The following PDE3A variants were observed in gnomAD, a reference collection of about 807,000 sequenced individuals.
The protein encoded by PDE3A is phosphodiesterase 3A, also known as cGMP-inhibited 3',5'-cyclic phosphodiesterase 3A.
A neutral mutation model predicts 98.3 loss-of-function variants in PDE3A; 43 were observed. The observed-to-expected ratio is 0.44, with a 90% CI of 0.34 to 0.56. PDE3A has a LOEUF of 0.56. Among genes scored for constraint, PDE3A ranks in the 20% least tolerant of loss-of-function variants. The probability of loss-of-function intolerance (pLI) is 0.01; values close to 1 mark genes in which losing one functional copy is unlikely to be tolerated. For synonymous variants in PDE3A, 663 were observed against 567.9 expected, an observed-to-expected ratio of 1.17 and a Z score of -2.38; for missense variants, 1,427 against 1,440.7, an observed-to-expected ratio of 0.99 and a Z score of 0.15.
intron 2 of PDE3A, among the ~76,000 whole-genome samples, chr12:20,584,713 C>T (rs760304663): frequency 2.0e-5 from 3 of 152,138 alleles, no homozygotes; most frequent in Non-Finnish European, 4.4e-5. Context: ...CAAGCTCAGA[C>T]TTGTTCTTAG....
chr12:20,636,717 G>A (rs185200292), intron 8 of PDE3A, among the ~76,000 whole-genome samples: 45 of 152,250 alleles, frequency 3.0e-4, no homozygotes, highest in Admixed American at 2.8e-3. Flanking sequence ...ACATGACTAT[G>A]TAGAGATATA....
intron 2 of PDE3A, among the ~76,000 whole-genome samples, chr12:20,584,628 C>T (rs1214656742): frequency 6.6e-6 from 1 of 152,046 alleles, no homozygotes; most frequent in Non-Finnish European, 1.5e-5. Context: ...CTTCTATTGT[C>T]CCTTTATTAC....
At chr12:20,649,920 C>G (rs1177739767) in intron 13 of PDE3A, among the ~76,000 whole-genome samples, 5 of 150,016 alleles carry the variant, frequency 3.3e-5, no homozygotes, top group African/African-American at 1.2e-4. Flanking sequence ...GGGCAAGACT[C>G]TGTCTCAAAA....
chr12:20,666,125 CG>C (rs1565469302), intron 15 of PDE3A, among the ~76,000 whole-genome samples: 1 of 151,652 alleles, frequency 6.6e-6, no homozygotes, highest in East Asian at 1.9e-4. Context: ...CCACCATGCC[CG>C]GCTAATTTTT....
chr12:20,454,015 A>G (rs1216879474), intron 1 of PDE3A, among the ~76,000 whole-genome samples: 2 of 152,174 alleles, frequency 1.3e-5, no homozygotes, highest in African/African-American at 4.8e-5. Flanking sequence ...CATTCAGAAG[A>G]AAATTTGACA....
intron 2 of PDE3A, among the ~76,000 whole-genome samples, chr12:20,604,413 A>G (rs1223309424): frequency 6.6e-6 from 1 of 152,050 alleles, no homozygotes; most frequent in Non-Finnish European, 1.5e-5. Flanking sequence ...AACGTTTTAA[A>G]ACTCTGCTTT....
chr12:20,457,581 C>G (rs193173533), intron 1 of PDE3A, among the ~76,000 whole-genome samples: 1 of 150,794 alleles, frequency 6.6e-6, no homozygotes, highest in Non-Finnish European at 1.5e-5. Context: ...ATAATGTTAT[C>G]TTAGTGATTG....
intron 1 of PDE3A, among the ~76,000 whole-genome samples, chr12:20,390,405 A>C (rs1246193745): frequency 6.6e-6 from 1 of 150,638 alleles, no homozygotes; most frequent in African/African-American, 2.4e-5. Flanking sequence ...TCCTGGGTAG[A>C]GACATTGAAG....
At chr12:20,624,093 G>A (rs1033058018) in intron 5 of PDE3A, among the ~76,000 whole-genome samples, 3 of 151,892 alleles carry the variant, frequency 2.0e-5, no homozygotes, top group African/African-American at 7.3e-5. Flanking sequence ...GGAAACTGAG[G>A]GAAAAGAAGG....
chr12:20,498,385 A>G (rs1945962419), intron 1 of PDE3A, among the ~76,000 whole-genome samples: 1 of 151,936 alleles, frequency 6.6e-6, no homozygotes, highest in African/African-American at 2.4e-5. Flanking sequence ...TTCAAGAAAA[A>G]AAGTGAGTGA....
At chr12:20,675,495 G>T (rs1168856402) in intron 15 of PDE3A, among the ~76,000 whole-genome samples, 1 of 152,180 alleles carries the variant, frequency 6.6e-6, no homozygotes, top group Non-Finnish European at 1.5e-5. Flanking sequence ...GTCTGGTTCT[G>T]AGAGTGGGAT....
At chr12:20,459,208 T>C (rs1367145538) in intron 1 of PDE3A, among the ~76,000 whole-genome samples, 3 of 152,136 alleles carry the variant, frequency 2.0e-5, no homozygotes, top group Non-Finnish European at 4.4e-5. Context: ...GGGTAGAAAA[T>C]ATAAGACATC....
chr12:20,529,862 G>GT (rs2121182335), intron 1 of PDE3A, among the ~76,000 whole-genome samples: 1 of 152,310 alleles, frequency 6.6e-6, no homozygotes, highest in South Asian at 2.1e-4. Flanking sequence ...TCCTGGAGAA[G>GT]TAATTAGCAA....
intron 2 of PDE3A, among the ~76,000 whole-genome samples, chr12:20,579,756 A>G (rs1254013884): frequency 6.6e-6 from 1 of 152,208 alleles, no homozygotes; most frequent in Non-Finnish European, 1.5e-5. Context: ...TGCAATCAGC[A>G]GTATGTACAA....
intron 2 of PDE3A, among the ~76,000 whole-genome samples, chr12:20,588,062 T>C (rs1943234601): frequency 6.6e-6 from 1 of 152,138 alleles, no homozygotes; most frequent in Non-Finnish European, 1.5e-5. Flanking sequence ...TCTCCATAAC[T>C]AAATGTTGGA....
At position 20,418,816 on chromosome 12, in the gene PDE3A, T is replaced by G. The variant is rs558432137; in HGVS notation, c.960+48572T>G. Among the ~76,000 whole-genome samples the G allele has an allele frequency of 2.0e-5, 3 of 152,288 alleles. No individual in the cohort carries two copies. In the East Asian group the frequency reaches 5.8e-4, roughly 29 times the overall value. On this transcript the variant is annotated intron_variant, in intron 1 of 15. Transcript: ENST00000359062. Reference sequence around the variant, plus strand: ...TAACTGGGATAGTATTATATATTGATTAGTGTTCTATATTTTTAAATTAAC... The same window carrying G: ...TAACTGGGATAGTATTATATATTGAGTAGTGTTCTATATTTTTAAATTAAC...
chr12:20,656,850 G>A (rs1324540167), intron 15 of PDE3A, among the ~76,000 whole-genome samples: 1 of 152,174 alleles, frequency 6.6e-6, no homozygotes, highest in Non-Finnish European at 1.5e-5. Flanking sequence ...ACCCAGGCCA[G>A]GAGACTTAAC....
At chr12:20,370,338 G>C (rs1232415574) in intron 1 of PDE3A, 94 bp downstream of exon 1, 1 of 1,095,502 alleles carries the variant, frequency 9.1e-7, no homozygotes, top group Non-Finnish European at 1.2e-6. Context: ...GGGAACTAAA[G>C]GGAAGATAGC....
chr12:20,594,063 A>G (rs1432679460), intron 2 of PDE3A, among the ~76,000 whole-genome samples: 1 of 152,178 alleles, frequency 6.6e-6, no homozygotes, highest in African/African-American at 2.4e-5. Context: ...TGATTAAGAT[A>G]TTTATTAATA....
Sources: gnomAD v4.1 joint callset for allele counts (sites outside exome capture counted in the v4.1 genomes callset) on GRCh38, gnomAD v4.1.1 for gene constraint, MANE v1.5 for transcripts, NCBI Gene and HGNC (gene_info 2026-07-23, HGNC 2026-07-21) for gene names.